Variants in MCM8 observed in about 807,000 individuals in gnomAD.
MCM8 encodes minichromosome maintenance 8 homologous recombination repair factor, also known as DNA helicase MCM8.
In MCM8, 85 loss-of-function variants were observed where a neutral mutation model predicts 98.9. The ratio of observed to expected loss-of-function variants is 0.86; its 90% CI spans 0.72 to 1.03. The LOEUF (loss-of-function observed/expected upper bound fraction) is 1.03, where lower values mean the gene tolerates loss of function less well. Among genes scored for constraint, MCM8 ranks in the 50% least tolerant of loss-of-function variants. The pLI is 0.00. For synonymous variants in MCM8, 352 were observed against 338.6 expected (o/e 1.04, Z -0.44); for missense variants, 951 against 997.8 (o/e 0.95, Z 0.63).
chr20:5,972,703 C>A, intron 11 of MCM8: 2 of 1,268,496 alleles, frequency 1.6e-6, no homozygotes, highest in Non-Finnish European at 1.0e-6. Context: ...TACAGGCATG[C>A]GCCACCAGAC....
chr20:5,976,552 T>C (rs1445524614), intron 12 of MCM8, among the ~76,000 whole-genome samples: 1 of 152,152 alleles, frequency 6.6e-6, no homozygotes, highest in Non-Finnish European at 1.5e-5. Context: ...AATTAATTGG[T>C]TACAAATGCA....
At position 5,950,792 on chromosome 20, in the gene MCM8, G is replaced by C. The variant is rs1042066740; in HGVS notation, c.-237G>C. ...GTGGGGAAACTGAGTTTCCCGAGCC[G>C]TTGAGACAGATGGGGTTCAGCACCG... On this transcript the variant is annotated 5_prime_UTR_variant, in exon 1 of 19. Coordinates refer to ENST00000610722, the MANE Select transcript of MCM8 (RefSeq NM_032485.6). 6.1e-6 allele frequency: 1 copy of C among 165,006 alleles called. No homozygotes were observed. The highest frequency in any genetic ancestry group is 2.4e-5 in the African/African-American group (1 of 41,842). 10.2% of individuals were successfully genotyped at this position (165,006 alleles called of 1,614,324 possible).
At chr20:5,963,915 A>C (rs2089214734) in intron 8 of MCM8, among the ~76,000 whole-genome samples, 1 of 152,206 alleles carries the variant, frequency 6.6e-6, no homozygotes, top group African/African-American at 2.4e-5. Flanking sequence ...CTAATGAGAA[A>C]TAGTTGATTT....
At chr20:5,955,026 C>T in intron 4 of MCM8, 76 bp from the exon 5 acceptor site, 1 of 1,012,624 alleles carries the variant, frequency 9.9e-7, no homozygotes, top group Non-Finnish European at 1.5e-6. Context: ...TTCTCAAAGT[C>T]TATAATAGAA....
At chr20:5,964,846 T>TA (rs1365273272) in intron 8 of MCM8, among the ~76,000 whole-genome samples, 11 of 152,116 alleles carry the variant, frequency 7.2e-5, no homozygotes, top group African/African-American at 2.2e-4. Flanking sequence ...ATTAATTAAG[T>TA]AAAAAAAGCT....
intron 13 of MCM8, among the ~76,000 whole-genome samples, chr20:5,980,278 C>T (rs555931870): frequency 9.9e-5 from 15 of 152,174 alleles, no homozygotes; most frequent in African/African-American, 3.6e-4. Flanking sequence ...TTTTTATTGC[C>T]TGGACCCCCT....
chr20:5,971,860 G>A (rs1259248626), intron 10 of MCM8, 147 bp from the exon 11 acceptor site: 4 of 596,024 alleles, frequency 6.7e-6, no homozygotes, highest in Non-Finnish European at 8.7e-6. Context: ...GAAATGTACT[G>A]TAAGAATAAA....
chr20:5,971,324 A>G (rs1361072939), intron 10 of MCM8, among the ~76,000 whole-genome samples: 1 of 152,212 alleles, frequency 6.6e-6, no homozygotes, highest in Non-Finnish European at 1.5e-5. Flanking sequence ...CTGTTAGCCA[A>G]AGCTTCATCT....
At chr20:5,960,908 T>C (rs778664168) in intron 7 of MCM8, among the ~76,000 whole-genome samples, 5 of 152,208 alleles carry the variant, frequency 3.3e-5, no homozygotes, top group Admixed American at 6.5e-5. Context: ...GCACTCCAGC[T>C]TGGGCAGTAA....
chr20:5,992,500 C>T (rs6117028), intron 17 of MCM8, among the ~76,000 whole-genome samples: 6,981 of 152,196 alleles, frequency 0.046, 259 homozygotes, highest in African/African-American at 0.1. Flanking sequence ...TTTTTAACAA[C>T]TTTCTCATGA....
chr20:5,973,707 T>G (rs1218448250), intron 12 of MCM8, among the ~76,000 whole-genome samples: 1 of 151,628 alleles, frequency 6.6e-6, no homozygotes, highest in Non-Finnish European at 1.5e-5. Context: ...CAGGCTGGAG[T>G]GCAGTGGCAT....
chr20:5,952,036 C>T lies in MCM8; in HGVS notation c.21C>T (p.Gly7=), dbSNP rs781013162. 3.1e-6 allele frequency: 5 copies of T among 1,613,774 alleles called. No individual in the cohort carries two copies. Among genetic ancestry groups the T allele is most frequent in the Non-Finnish European group, 3.4e-6 (4 of 1,179,820 alleles). The change falls in exon 2 of 19, where the codon GGC becomes GGT. Residue 7 remains glycine (G), a synonymous_variant. Coordinates refer to ENST00000610722, the MANE Select transcript of MCM8 (RefSeq NM_032485.6). ...GAGAGATGAATGGAGAGTATAGAGG[C>T]AGAGGATTTGGACGAGGAAGATTTC... The part of the protein sequence containing the change: MNGEYR[G]RGFGRGRFQS...
At chr20:5,984,156 C>A (rs1480878414) in intron 14 of MCM8, among the ~76,000 whole-genome samples, 1 of 152,030 alleles carries the variant, frequency 6.6e-6, no homozygotes, top group Non-Finnish European at 1.5e-5. Context: ...TTAAGTGATA[C>A]AAAAGTGAGA....
In MCM8 at chr20:5,997,185, CTTTT is replaced by C. The variant is rs71334371; in HGVS notation, c.*2807_*2810del. ...GAAAGTTTCTTTTTTTTTCTTTTTT[CTTTT>C]TTTTTTTTTTTTGAGACAGAGTTTT... On this transcript the variant is annotated 3_prime_UTR_variant, in exon 19 of 19. Coordinates refer to ENST00000610722, the MANE Select transcript of MCM8 (RefSeq NM_032485.6). The C allele has an allele frequency of 3.0e-5, 4 of 134,894 alleles. No homozygotes were observed. Among genetic ancestry groups the C allele is most frequent in the Non-Finnish European group, 6.2e-5 (4 of 64,740 alleles). 8.4% of individuals were successfully genotyped at this position (134,894 alleles called of 1,614,324 possible). A position where few individuals can be genotyped will look rare whatever the true frequency, so the allele number is the denominator to read the frequency against.
chr20:5,977,168 T>G (rs2089528969), intron 12 of MCM8, among the ~76,000 whole-genome samples: 1 of 152,270 alleles, frequency 6.6e-6, no homozygotes, highest in Admixed American at 6.5e-5. Context: ...GTGTTTGAGA[T>G]GTGAATACTG....
chr20:5,997,962 A>G lies in MCM8; in HGVS notation c.*3571A>G, dbSNP rs930759863. ...TTTCATTTTTAGGATAGAGATATCA[A>G]GGTGAGGGTATAACTGAACGAGAAG... On this transcript the variant is annotated 3_prime_UTR_variant, in exon 19 of 19. Transcript: ENST00000610722. 3.9e-5 allele frequency: 6 copies of G among 152,218 alleles called. No individual in the cohort carries two copies. The highest frequency in any genetic ancestry group is 2.0e-4 in the Admixed American group (3 of 15,288). 9.4% of individuals were successfully genotyped at this position (152,218 alleles called of 1,614,324 possible).
chr20:5,954,495 C>A, intron 3 of MCM8, 113 bp from the exon 4 acceptor site: 1 of 518,996 alleles, frequency 1.9e-6, no homozygotes. Context: ...AATCAAAATA[C>A]AAAGCAATTA....
chr20:5,955,290 T>G (rs749751080), intron 5 of MCM8, 39 bp downstream of exon 5: 5 of 1,591,074 alleles, frequency 3.1e-6, no homozygotes, highest in Non-Finnish European at 4.3e-6. Context: ...TCTAAACTTT[T>G]TTAATGTTTG....
At chr20:5,952,251 TTTGTC>T (rs1568565294) in intron 2 of MCM8, 88 bp downstream of exon 2, 1 of 1,570,926 alleles carries the variant, frequency 6.4e-7, no homozygotes, top group Non-Finnish European at 8.6e-7. Flanking sequence ...CATACTTCAG[TTTGTC>T]TTTTATTTCA....
Sources: gnomAD v4.1 joint callset for allele counts (sites outside exome capture counted in the v4.1 genomes callset) on GRCh38, gnomAD v4.1.1 for gene constraint, MANE v1.5 for transcripts, NCBI Gene and HGNC (gene_info 2026-07-23, HGNC 2026-07-21) for gene names.